Variants in SETD3 observed in about 807,000 individuals in gnomAD.
The protein encoded by SETD3 is SET domain containing 3, actin N3(tau)-histidine methyltransferase.
SETD3 carries 19 observed loss-of-function variants against 63.0 expected under a neutral mutation model. The ratio of observed to expected loss-of-function variants is 0.30; its 90% CI spans 0.21 to 0.44. The LOEUF (loss-of-function observed/expected upper bound fraction) is 0.44, where lower values mean the gene tolerates loss of function less well. Among genes scored for constraint, SETD3 ranks in the 20% least tolerant of loss-of-function variants. The probability of loss-of-function intolerance (pLI) is 1.00; values close to 1 mark genes in which losing one functional copy is unlikely to be tolerated. For missense variants in SETD3, 587 were observed against 728.5 expected (o/e 0.81, Z 2.24); for synonymous variants, 286 against 264.1 (o/e 1.08, Z -0.80).
chr14:99,427,618 G>C (rs1490803209), intron 6 of SETD3, among the ~76,000 whole-genome samples: 1 of 152,198 alleles, frequency 6.6e-6, no homozygotes, highest in Admixed American at 6.5e-5. Flanking sequence ...CATTTCTGCA[G>C]CTTCAGAGCC....
intron 11 of SETD3, among the ~76,000 whole-genome samples, chr14:99,401,957 T>C (rs1217050986): frequency 6.6e-6 from 1 of 152,200 alleles, no homozygotes; most frequent in East Asian, 1.9e-4. Context: ...CAATGTAGCA[T>C]GTGGCCTGCC....
intron 1 of SETD3, among the ~76,000 whole-genome samples, chr14:99,467,843 G>A (rs1000709610): frequency 3.9e-5 from 6 of 152,210 alleles, no homozygotes; most frequent in Middle Eastern, 3.4e-3. Flanking sequence ...GGCTCTATTC[G>A]CTCTGCCTGC....
chr14:99,452,065 C>T (rs767224101), intron 6 of SETD3, among the ~76,000 whole-genome samples: 6 of 152,178 alleles, frequency 3.9e-5, no homozygotes, highest in Non-Finnish European at 5.9e-5. Context: ...CTACCATACA[C>T]ACGAGTTAGA....
chr14:99,439,584 TAA>T, intron 6 of SETD3, among the ~76,000 whole-genome samples: 1 of 148,406 alleles, frequency 6.7e-6, no homozygotes, highest in African/African-American at 2.4e-5. Context: ...TATTTATATA[TAA>T]ATATAGAAAA....
chr14:99,401,074 G>A (rs1891363720), intron 11 of SETD3, among the ~76,000 whole-genome samples: 1 of 151,308 alleles, frequency 6.6e-6, no homozygotes, highest in African/African-American at 2.4e-5. Flanking sequence ...AGGAGGTGGA[G>A]ACTGCAGTGA....
chr14:99,408,165 G>C (rs951620528), intron 8 of SETD3, among the ~76,000 whole-genome samples: 1 of 152,158 alleles, frequency 6.6e-6, no homozygotes, highest in African/African-American at 2.4e-5. Context: ...GGGATGGAAG[G>C]CCATGTAACA....
At chr14:99,420,412 C>T (rs1480983249) in intron 6 of SETD3, among the ~76,000 whole-genome samples, 1 of 152,150 alleles carries the variant, frequency 6.6e-6, no homozygotes, top group Non-Finnish European at 1.5e-5. Context: ...CTTCTTTCTC[C>T]AAGTGACAAG....
intron 1 of SETD3, among the ~76,000 whole-genome samples, chr14:99,479,169 T>C (rs1187042416): frequency 2.6e-5 from 4 of 152,228 alleles, no homozygotes; most frequent in African/African-American, 9.6e-5. Context: ...CCATTTCAGA[T>C]ATTAACTTAC....
chr14:99,449,184 C>T (rs561953038), intron 6 of SETD3, among the ~76,000 whole-genome samples: 107 of 152,246 alleles, frequency 7.0e-4, no homozygotes, highest in Non-Finnish European at 7.6e-4. Flanking sequence ...GAAGAAATAA[C>T]GGAGACAGAA....
chr14:99,470,267 C>T (rs924786064), intron 1 of SETD3, among the ~76,000 whole-genome samples: 3 of 152,180 alleles, frequency 2.0e-5, no homozygotes, highest in African/African-American at 4.8e-5. Context: ...GCAACCCTCA[C>T]GCCCAACAAA....
intron 1 of SETD3, among the ~76,000 whole-genome samples, chr14:99,474,207 C>A (rs1390687112): frequency 3.3e-5 from 5 of 152,172 alleles, no homozygotes; most frequent in Non-Finnish European, 5.9e-5. Context: ...GGCCTGTAAT[C>A]CCAGCTACTT....
chr14:99,411,214 T>C (rs1464280805), intron 8 of SETD3: 1 of 152,220 alleles, frequency 6.6e-6, no homozygotes, highest in Non-Finnish European at 1.5e-5. Flanking sequence ...AGGTTAGCAA[T>C]GTTTCTGCCA....
At chr14:99,455,356 A>C (rs1434244901) in intron 6 of SETD3, among the ~76,000 whole-genome samples, 1 of 152,184 alleles carries the variant, frequency 6.6e-6, no homozygotes, top group East Asian at 1.9e-4. Flanking sequence ...CTTACTCCAA[A>C]TCTGCATGAT....
upstream of SETD3, chr14:99,481,301 CTT>C (rs1490313349): frequency 5.1e-6 from 2 of 395,498 alleles, no homozygotes; most frequent in African/African-American, 4.1e-5. Flanking sequence ...GCTCGTTCCT[CTT>C]TTGAGAGCTC....
intron 1 of SETD3, among the ~76,000 whole-genome samples, chr14:99,466,627 G>A (rs78483517): frequency 6.6e-6 from 1 of 151,388 alleles, no homozygotes; most frequent in Non-Finnish European, 1.5e-5. Context: ...GCGGGGGGGG[G>A]GGGGGGCATT....
intron 6 of SETD3, among the ~76,000 whole-genome samples, chr14:99,439,801 T>A (rs1405657788): frequency 6.6e-6 from 1 of 151,434 alleles, no homozygotes; most frequent in Non-Finnish European, 1.5e-5. Context: ...TGTATAAATA[T>A]TCTTTTTTGA....
chr14:99,475,309 C>G (rs1443932279), intron 1 of SETD3, among the ~76,000 whole-genome samples: 2 of 152,222 alleles, frequency 1.3e-5, no homozygotes, highest in Admixed American at 1.3e-4. Context: ...GGAGCAGTCA[C>G]GATCAGTACT....
chr14:99,418,276 T>C (rs80218799), intron 6 of SETD3, among the ~76,000 whole-genome samples: 2 of 152,172 alleles, frequency 1.3e-5, no homozygotes, highest in Non-Finnish European at 2.9e-5. Flanking sequence ...CATAATGCCA[T>C]GCAATTAAAT....
chr14:99,477,889 C>T (rs2139827122), intron 1 of SETD3, among the ~76,000 whole-genome samples: 1 of 151,786 alleles, frequency 6.6e-6, no homozygotes. Context: ...ATTAGTTAAC[C>T]TCTCCAATTT....
Sources: gnomAD v4.1 joint callset for allele counts (sites outside exome capture counted in the v4.1 genomes callset) on GRCh38, gnomAD v4.1.1 for gene constraint, MANE v1.5 for transcripts, NCBI Gene and HGNC (gene_info 2026-07-23, HGNC 2026-07-21) for gene names.